Variants in IL12RB2 observed in about 807,000 individuals in gnomAD.
The protein encoded by IL12RB2 is interleukin-12 receptor subunit beta-2.
A neutral mutation model predicts 89.4 loss-of-function variants in IL12RB2; 82 were observed. That is an observed-to-expected ratio of 0.92 (90% CI 0.77 to 1.10). The LOEUF is 1.10. Among genes scored for constraint, IL12RB2 ranks in the 50% least tolerant of loss-of-function variants. The pLI, the probability that IL12RB2 is intolerant of heterozygous loss-of-function variation, is 0.00. For synonymous variants in IL12RB2, 368 were observed against 370.1 expected (o/e 0.99, Z 0.07); for missense variants, 963 against 1,031.9 (o/e 0.93, Z 0.92).
At chr1:67,321,392 C>G (rs1298215132) in intron 3 of IL12RB2, among the ~76,000 whole-genome samples, 2 of 152,062 alleles carry the variant, frequency 1.3e-5, no homozygotes, top group Non-Finnish European at 2.9e-5. Context: ...GAGACGGATG[C>G]ATATTTTCAT....
chr1:67,369,301 C>T (rs572426659), intron 11 of IL12RB2, among the ~76,000 whole-genome samples: 14 of 152,252 alleles, frequency 9.2e-5, no homozygotes, highest in East Asian at 3.9e-4. Context: ...GGGAATGGGA[C>T]GGCTTGACGG....
chr1:67,311,151 C>G (rs1655002259), intron 1 of IL12RB2, among the ~76,000 whole-genome samples: 1 of 152,186 alleles, frequency 6.6e-6, no homozygotes, highest in Non-Finnish European at 1.5e-5. Context: ...GGATCCACTG[C>G]TCTTTTCATT....
At chr1:67,385,781 T>G (rs7515827) in intron 14 of IL12RB2, among the ~76,000 whole-genome samples, 11,436 of 152,302 alleles carry the variant, frequency 0.075, 842 homozygotes, top group East Asian at 0.21. Context: ...TGCTATACTT[T>G]GCTAAAATTA....
intron 1 of IL12RB2, among the ~76,000 whole-genome samples, chr1:67,312,991 A>G (rs1322987535): frequency 2.0e-5 from 3 of 152,268 alleles, no homozygotes; most frequent in Non-Finnish European, 4.4e-5. Context: ...TTCCCCTTCA[A>G]GCCATTTACC....
chr1:67,367,463 G>GGAAGGAAA (rs902542344), intron 10 of IL12RB2, among the ~76,000 whole-genome samples: 1 of 1,728 alleles, frequency 5.8e-4, no homozygotes, highest in African/African-American at 9.8e-4. Flanking sequence ...AAGGAACGAG[G>GGAAGGAAA]GAAGGAAGGA....
rs561384531 is a variant in IL12RB2, at chr1:67,345,305, T to C, written c.1039-5565T>C. On this transcript the variant is annotated intron_variant, in intron 9 of 16. Coordinates refer to ENST00000674203, the MANE Select transcript of IL12RB2 (RefSeq NM_001374259.2). Reference sequence around the variant, plus strand: ...ACAGAAGATGGAAAGAACGAGAAGATAGCAAGCCCCGTATACCAATTTACG... The same window carrying C: ...ACAGAAGATGGAAAGAACGAGAAGACAGCAAGCCCCGTATACCAATTTACG... Among the ~76,000 whole-genome samples the C allele has an allele frequency of 1.8e-3, 268 of 152,346 alleles. 2 individuals carry two copies. The highest frequency in any genetic ancestry group is 6.3e-3 in the African/African-American group (260 of 41,584).
Position 67,386,612 on chromosome 1 carries a change from G to A in IL12RB2, c.1889G>A (p.Ser630Asn), listed in dbSNP as rs199532074. The A allele has an allele frequency of 2.0e-5, 32 of 1,613,656 alleles. No homozygotes were observed. Among genetic ancestry groups the A allele is most frequent in the Non-Finnish European group, 2.7e-5 (32 of 1,179,794 alleles). ...AATTGGATGGCGTTTGTGGCACCAA[G>A]CATTTGCATTGCTATCATCATGGTG... The part of the protein sequence containing the change: ...KANWMAFVAP[S>N]ICIAIIMVGI... Residue 630 changes from serine to asparagine, a missense_variant, in exon 15 of 17, where the codon AGC becomes AAC. Physicochemically the swap from Ser to Asn is conservative, Grantham distance 46 (BLOSUM62 1). Transcript: ENST00000674203.
chr1:67,370,823 T>C (rs1392272568), intron 11 of IL12RB2, among the ~76,000 whole-genome samples: 1 of 152,140 alleles, frequency 6.6e-6, no homozygotes, highest in Non-Finnish European at 1.5e-5. Context: ...CTACTCTTGG[T>C]GGAAAGGGAA....
At chr1:67,320,001 C>T (rs1656287784) in intron 2 of IL12RB2, among the ~76,000 whole-genome samples, 2 of 152,162 alleles carry the variant, frequency 1.3e-5, no homozygotes, top group Admixed American at 1.3e-4. Context: ...TGATCTTGAA[C>T]TTGCCAGTCC....
At chr1:67,324,693 C>A (rs907805723) in intron 4 of IL12RB2, among the ~76,000 whole-genome samples, 10 of 152,206 alleles carry the variant, frequency 6.6e-5, no homozygotes, top group African/African-American at 2.2e-4. Context: ...GTTAAAACGA[C>A]TCTCAGACCA....
chr1:67,372,067 C>T (rs199925820), intron 11 of IL12RB2, among the ~76,000 whole-genome samples: 6 of 151,300 alleles, frequency 4.0e-5, no homozygotes, highest in South Asian at 4.2e-4. Flanking sequence ...AGTCTGGGTG[C>T]GTGTGTGTGT....
chr1:67,344,303 T>G (rs1659981041), intron 9 of IL12RB2, among the ~76,000 whole-genome samples: 1 of 152,242 alleles, frequency 6.6e-6, no homozygotes, highest in South Asian at 2.1e-4. Flanking sequence ...TAATTTTTTT[T>G]CTTTTTTGAG....
chr1:67,372,865 T>TGTGTAGATGTGC, intron 13 of IL12RB2, 82 bp downstream of exon 13: 5 of 902,122 alleles, frequency 5.5e-6, no homozygotes, highest in African/African-American at 1.6e-5. Context: ...TGTGCACATC[T>TGTGTAGATGTGC]ACACACATGT....
At chr1:67,393,842 C>T (rs1273453136) in intron 16 of IL12RB2, among the ~76,000 whole-genome samples, 2 of 152,008 alleles carry the variant, frequency 1.3e-5, no homozygotes, top group African/African-American at 4.8e-5. Context: ...TGGGACTAGT[C>T]CCCAGGGTGT....
intron 2 of IL12RB2, among the ~76,000 whole-genome samples, chr1:67,315,858 T>A (rs1655690123): frequency 6.6e-6 from 1 of 152,184 alleles, no homozygotes; most frequent in Non-Finnish European, 1.5e-5. Flanking sequence ...ACCTTCTGAT[T>A]TTAAGAAACA....
At chr1:67,321,503 G>T in intron 3 of IL12RB2, 99 bp from the exon 4 acceptor site, 1 of 792,890 alleles carries the variant, frequency 1.3e-6, no homozygotes, top group Non-Finnish European at 2.3e-6. Flanking sequence ...ATGATCTGAT[G>T]GAGTTAATTT....
chr1:67,362,601 A>G (rs1423522689), intron 10 of IL12RB2, among the ~76,000 whole-genome samples: 1 of 150,412 alleles, frequency 6.6e-6, no homozygotes, highest in Non-Finnish European at 1.5e-5. Flanking sequence ...AAGAAAAAGA[A>G]AAAAAAAGAA....
At chr1:67,371,467 C>G (rs565799569) in intron 11 of IL12RB2, among the ~76,000 whole-genome samples, 1 of 150,936 alleles carries the variant, frequency 6.6e-6, no homozygotes, top group South Asian at 2.1e-4. Flanking sequence ...GGGACCCTGG[C>G]TACCTATCGG....
intron 10 of IL12RB2, among the ~76,000 whole-genome samples, chr1:67,355,072 T>G (rs1419606457): frequency 6.6e-6 from 1 of 151,838 alleles, no homozygotes; most frequent in African/African-American, 2.4e-5. Context: ...GCCATGATCG[T>G]GCCACTGTAC....
Sources: allele counts gnomAD v4.1 joint callset (sites outside exome capture counted in the v4.1 genomes callset), GRCh38; gene constraint gnomAD v4.1.1; transcripts MANE v1.5; gene names NCBI Gene and HGNC (gene_info 2026-07-23, HGNC 2026-07-21).